The following LEO1 variants were observed in gnomAD, a reference collection of about 807,000 sequenced individuals.
LEO1 encodes the protein RNA polymerase-associated protein LEO1.
Under a neutral mutation model 80.4 loss-of-function variants are expected in LEO1, and 34 were observed. The observed-to-expected ratio is 0.42, with a 90% CI of 0.32 to 0.56. The LOEUF (loss-of-function observed/expected upper bound fraction) is 0.56, where lower values mean the gene tolerates loss of function less well. LEO1 is among the 20% of genes least tolerant of loss of function. The pLI is 0.10. For missense variants in LEO1, 631 were observed against 814.2 expected (o/e 0.77, Z 2.74); for synonymous variants, 262 against 274.9 (o/e 0.95, Z 0.46).
rs2056952515 is a variant in LEO1, at chr15:51,951,937, C to T, written c.1518G>A (p.Leu506=). 6.2e-7 allele frequency: 1 copy of T among 1,613,658 alleles called. No homozygotes were observed. ...TCTTTGAACACCTATCTGCAAGTGA[C>T]AGAGTCATCTTTCTATGTGTGGCAC... ...TDSATHRKMT[L]SLADRCSKTQ... is the part of the protein sequence containing the mutation. The change falls in exon 9 of 12, where the codon CTG becomes CTA. Residue 506 remains leucine, a synonymous_variant. Transcript: ENST00000299601.
rs71130110 is a variant in LEO1, at chr15:51,945,262, CAA to C, written c.1896+2028_1896+2029del. On this transcript the variant is annotated intron_variant, in intron 11 of 11. Coordinates refer to ENST00000299601, the MANE Select transcript of LEO1 (RefSeq NM_138792.4). ...TGAAACCCCATCTCTACAAAAAATACAAAAAAAAAAAAAAAAAGCCTTACAAA... is the reference window on the plus strand; with the variant it reads ...TGAAACCCCATCTCTACAAAAAATACAAAAAAAAAAAAAAAGCCTTACAAA... 2.6e-4 allele frequency among the ~76,000 whole-genome samples: 21 copies of C among 80,342 alleles called. 1 individual carries two copies. Among genetic ancestry groups the C allele is most frequent in the East Asian group, 2.2e-3 (4 of 1,802 alleles). The allele number at this position is 80,342 out of a possible 152,430, so 52.7% of individuals were successfully genotyped here. A position where few individuals can be genotyped will look rare whatever the true frequency, so the allele number is the denominator to read the frequency against.
chr15:51,946,352 C>T (rs1388456065), intron 11 of LEO1, among the ~76,000 whole-genome samples: 1 of 151,786 alleles, frequency 6.6e-6, no homozygotes, highest in Non-Finnish European at 1.5e-5. Context: ...CATGCGCCAC[C>T]ACGCCCTGCT....
chr15:51,950,514 G>C (rs1393589632), intron 9 of LEO1, among the ~76,000 whole-genome samples: 1 of 152,142 alleles, frequency 6.6e-6, no homozygotes, highest in Non-Finnish European at 1.5e-5. Context: ...GAGCGTCCTA[G>C]AGCCACAAGG....
Position 51,949,789 on chromosome 15 carries a change from A to G in LEO1, c.1798+19T>C. 1 of 1,602,616 alleles carries G rather than the reference A, an allele frequency of 6.2e-7. No individual in the cohort carries two copies. Among genetic ancestry groups the G allele is most frequent in the Non-Finnish European group, 8.5e-7 (1 of 1,172,848 alleles). ...CAGAATCCCGAAATGATGAAATGTA[A>G]TTTCCATACACGACTCACCTCGAAT... On this transcript the variant is annotated intron_variant, in intron 10 of 11. Coordinates refer to ENST00000299601, the MANE Select transcript of LEO1 (RefSeq NM_138792.4).
At chr15:51,940,560 C>CAA (rs879264590) in intron 11 of LEO1, among the ~76,000 whole-genome samples, 21 of 119,540 alleles carry the variant, frequency 1.8e-4, no homozygotes, top group African/African-American at 4.1e-4. Flanking sequence ...GACTCCGTCT[C>CAA]AAAAAAAAAA....
At position 51,953,206 on chromosome 15, in the gene LEO1, G is replaced by T. The variant is rs1389275789; in HGVS notation, c.1398C>A (p.Gly466=). The change falls in exon 8 of 12, where the codon GGC becomes GGA. Residue 466 remains glycine (G), a synonymous_variant. Coordinates refer to ENST00000299601, the MANE Select transcript of LEO1 (RefSeq NM_138792.4). ...GTCTTATAAAAAGATGATTGTGGTC[G>T]CCCTGCAGTGGGGCTTTGTACACAT... ...VFDVYKAPLQ[G]DHNHLFIRQG... 11 of 1,613,796 alleles carry T rather than the reference G, an allele frequency of 6.8e-6. No homozygotes were observed. The highest frequency in any genetic ancestry group is 9.3e-6 in the Non-Finnish European group (11 of 1,179,662).
intron 6 of LEO1, among the ~76,000 whole-genome samples, chr15:51,956,415 T>TC (rs2056989884): frequency 9.7e-6 from 1 of 102,910 alleles, no homozygotes; most frequent in Non-Finnish European, 1.8e-5. Flanking sequence ...AGAGCAAGAC[T>TC]CCATCTCAAA....
intron 1 of LEO1, among the ~76,000 whole-genome samples, chr15:51,966,918 AAAAAG>A (rs2057082844): frequency 6.6e-6 from 1 of 151,992 alleles, no homozygotes; most frequent in Non-Finnish European, 1.5e-5. Flanking sequence ...CTCAAAGAAA[AAAAAG>A]AAAAAGAAAA....
intron 11 of LEO1, among the ~76,000 whole-genome samples, chr15:51,945,413 C>T (rs2056891959): frequency 6.6e-6 from 1 of 152,064 alleles, no homozygotes; most frequent in Non-Finnish European, 1.5e-5. Context: ...ACCTCAGGGC[C>T]TATGCACTTC....
In LEO1 at chr15:51,947,307, T is replaced by C. The variant is rs1468708988; in HGVS notation, c.1881A>G (p.Lys627=). 6.2e-7 allele frequency: 1 copy of C among 1,612,346 alleles called. No homozygotes were observed. The highest frequency in any genetic ancestry group is 2.2e-5 in the East Asian group (1 of 44,898). The change falls in exon 11 of 12, where the codon AAA becomes AAG. Residue 627 remains lysine (K), a synonymous_variant. Coordinates refer to ENST00000299601, the MANE Select transcript of LEO1 (RefSeq NM_138792.4). ...DKAQRLLKAK[K]LTSDEEGEPS... is the part of the protein sequence containing the mutation. ...TTGGTCTTACCTCATCACTGGTAAG[T>C]TTCTTTGCTTTGAGTAATCTTTGAG... is the stretch of plus-strand genomic sequence containing the variant.
chr15:51,943,335 C>T (rs148946542), intron 11 of LEO1, among the ~76,000 whole-genome samples: 294 of 150,990 alleles, frequency 1.9e-3, no homozygotes, highest in Non-Finnish European at 3.0e-3. Flanking sequence ...GCCAAGATCA[C>T]GCCACTGCAC....
chr15:51,962,451 A>G lies in LEO1; in HGVS notation c.857T>C (p.Met286Thr). The G allele has an allele frequency of 6.2e-7, 1 of 1,613,994 alleles. No individual in the cohort carries two copies. The highest frequency in any genetic ancestry group is 1.6e-4 in the Middle Eastern group (1 of 6,062). The change falls in exon 3 of 12, where the codon ATG (methionine) becomes ACG (threonine). Residue 286 changes from methionine (M) to threonine (T), a missense_variant. By Grantham distance (81) the Met-to-Thr change is moderately conservative (BLOSUM62 -1). This residue lies in a region of LEO1 where 394 missense variants were observed against 395.6 expected (regional missense o/e 1.00). Coordinates refer to ENST00000299601, the MANE Select transcript of LEO1 (RefSeq NM_138792.4). ...AGATGCAATCGCATTCTTGCGTTTC[A>G]TTCGTAAAACTTCATCTTCACTATC... is the stretch of plus-strand genomic sequence containing the variant. ...GSDSEDEVLR[M>T]KRKNAIASDS...
rs1485830260 is a variant in LEO1 at position 51,938,096 on chromosome 15, CAT to C, written c.*58_*59del. On this transcript the variant is annotated 3_prime_UTR_variant, in exon 12 of 12. Transcript: ENST00000299601. ...TCGATTCATTTCAATCAAAATAACT[CAT>C]GTTTACATATTTATAACTGTACAAT... The C allele has an allele frequency of 1.7e-4, 136 of 792,328 alleles. 1 individual carries two copies. The East Asian group carries it at 3.3e-3, about 19-fold the overall frequency. 49.1% of individuals were successfully genotyped at this position (792,328 alleles called of 1,614,324 possible).
rs906056971 is a variant in LEO1 at position 51,969,607 on chromosome 15, C to T, written c.58+2081G>A. Among the ~76,000 whole-genome samples, 7 of 151,798 alleles carry T rather than the reference C, an allele frequency of 4.6e-5. No individual in the cohort carries two copies. In the South Asian group the frequency reaches 8.3e-4, roughly 18 times the overall value. On this transcript the variant is annotated intron_variant, in intron 1 of 11. Coordinates refer to ENST00000299601, the MANE Select transcript of LEO1 (RefSeq NM_138792.4). ...GCTTGAACCTAGCACTTTGAGAGGC[C>T]GAGGCAGGTGGATCACCTGAGGTCA...
chr15:51,959,325 TTG>T (rs374449710), intron 5 of LEO1, among the ~76,000 whole-genome samples: 2 of 152,168 alleles, frequency 1.3e-5, no homozygotes, highest in African/African-American at 4.8e-5. Context: ...TTCTTAAAAT[TTG>T]TTGTTAATAC....
At chr15:51,948,583 A>C (rs1452484711) in intron 10 of LEO1, among the ~76,000 whole-genome samples, 1 of 152,200 alleles carries the variant, frequency 6.6e-6, no homozygotes, top group African/African-American at 2.4e-5. Flanking sequence ...GTGTTTTAAA[A>C]ATTTACTTGT....
chr15:51,966,484 A>G lies in LEO1; in HGVS notation c.79T>C (p.Ser27Pro), dbSNP rs548684781. 1 of 1,602,378 alleles carries G rather than the reference A, an allele frequency of 6.2e-7. No homozygotes were observed. The highest frequency in any genetic ancestry group is 1.1e-5 in the South Asian group (1 of 90,284). The part of the protein sequence containing the change: ...ERKDSDSGSD[S>P]DSDQENAASG... The stretch of plus-strand genomic sequence containing the variant: ...GCAGCATTCTCTTGATCAGAATCTG[A>G]GTCAGATCCAGAATCAGAATCTATG... The change falls in exon 2 of 12, where the codon TCA (serine) becomes CCA (proline). Residue 27 changes from serine to proline, a missense_variant. Coordinates refer to ENST00000299601, the MANE Select transcript of LEO1 (RefSeq NM_138792.4).
intron 1 of LEO1, 51 bp from the exon 2 acceptor site, chr15:51,966,555 A>G: frequency 9.7e-7 from 1 of 1,031,360 alleles, no homozygotes; most frequent in Non-Finnish European, 1.5e-6. Flanking sequence ...AGGCAGAGTA[A>G]GGCAGTCCCA....
intron 11 of LEO1, among the ~76,000 whole-genome samples, chr15:51,939,833 A>C (rs186947749): frequency 2.0e-5 from 3 of 152,354 alleles, no homozygotes; most frequent in African/African-American, 7.2e-5. Flanking sequence ...AAGATGGTAC[A>C]GCCTGTCCTA....
Sources: allele counts gnomAD v4.1 joint callset (sites outside exome capture counted in the v4.1 genomes callset), GRCh38; gene constraint gnomAD v4.1.1; regional missense constraint gnomAD v4.1.1; transcripts MANE v1.5; gene names NCBI Gene and HGNC (gene_info 2026-07-23, HGNC 2026-07-21).